The following ARID4A variants were observed in gnomAD, a reference collection of about 807,000 sequenced individuals.
ARID4A encodes AT-rich interaction domain 4A.
ARID4A carries 39 observed loss-of-function variants against 148.6 expected under a neutral mutation model. The ratio of observed to expected loss-of-function variants is 0.26; its 90% CI spans 0.20 to 0.34. The LOEUF (loss-of-function observed/expected upper bound fraction) is 0.34. Ranked by LOEUF, ARID4A falls within the 10% of genes least tolerant of loss-of-function variation. ARID4A has a pLI of 1.00. For synonymous variants in ARID4A, 475 were observed against 481.2 expected, an observed-to-expected ratio of 0.99 and a Z score of 0.17; for missense variants, 1,265 against 1,449.1, an observed-to-expected ratio of 0.87 and a Z score of 2.06.
chr14:58,345,061 G>T (rs1295814482), intron 12 of ARID4A, among the ~76,000 whole-genome samples: 1 of 151,630 alleles, frequency 6.6e-6, no homozygotes, highest in East Asian at 1.9e-4. Context: ...TCTATTTTTT[G>T]TAGAGACGGG....
chr14:58,318,802 C>T lies in ARID4A; in HGVS notation c.446C>T (p.Pro149Leu). The part of the protein sequence containing the change: ...KTNRGRRSSL[P>L]VTEDEKEEES... ...AACAGAGGAAGGAGATCTTCTCTTC[C>T]TGTGTGAGTTTTTTCATATATGGTA... Residue 149 changes from proline (P) to leucine (L), a missense_variant, in exon 7 of 24, where the codon CCT (proline) becomes CTT (leucine). Physicochemically the swap from Pro to Leu is moderately conservative, Grantham distance 98. This residue lies in a region of ARID4A where 249 missense variants were observed against 277.2 expected (regional missense o/e 0.90). Coordinates refer to ENST00000355431, the MANE Select transcript of ARID4A (RefSeq NM_002892.4). The T allele has an allele frequency of 1.2e-6, 2 of 1,610,318 alleles. No individual in the cohort carries two copies. Among genetic ancestry groups the T allele is most frequent in the Non-Finnish European group, 1.7e-6 (2 of 1,176,856 alleles).
chr14:58,346,970 A>AAAAAAAAAAAAAAAAAC (rs2034402325), intron 13 of ARID4A, 50 bp from the exon 14 acceptor site: 1 of 378,536 alleles, frequency 2.6e-6, no homozygotes, highest in African/African-American at 2.7e-5. Context: ...AAAAAAAAAA[A>AAAAAAAAAAAAAAAAAC]AAAGATTAAT....
At chr14:58,365,392 C>G in intron 20 of ARID4A, 92 bp downstream of exon 20, 3 of 1,423,236 alleles carry the variant, frequency 2.1e-6, no homozygotes, top group South Asian at 1.4e-5. Context: ...AAAGTACTTT[C>G]TTTTTCTTTT....
At chr14:58,303,937 C>T (rs1056696272) in intron 3 of ARID4A, among the ~76,000 whole-genome samples, 4 of 152,038 alleles carry the variant, frequency 2.6e-5, no homozygotes, top group African/African-American at 7.2e-5. Flanking sequence ...TGTTGAAACC[C>T]TGTCTCTAGT....
At chr14:58,340,108 A>T (rs1182377148) in intron 11 of ARID4A, among the ~76,000 whole-genome samples, 3 of 152,130 alleles carry the variant, frequency 2.0e-5, no homozygotes, top group African/African-American at 7.2e-5. Flanking sequence ...GTTTACTAGA[A>T]TTTTTGCCAT....
chr14:58,358,218 C>T (rs1166576449), intron 17 of ARID4A, among the ~76,000 whole-genome samples: 1 of 151,842 alleles, frequency 6.6e-6, no homozygotes, highest in Non-Finnish European at 1.5e-5. Flanking sequence ...CCTATAATCC[C>T]AGCACTTTGG....
chr14:58,349,769 C>T (rs1352875854), intron 15 of ARID4A, among the ~76,000 whole-genome samples: 1 of 151,522 alleles, frequency 6.6e-6, no homozygotes, highest in South Asian at 2.1e-4. Flanking sequence ...TATACAGACC[C>T]AAATTTTATA....
chr14:58,325,493 C>A (rs959263942), intron 8 of ARID4A, among the ~76,000 whole-genome samples: 2 of 152,102 alleles, frequency 1.3e-5, no homozygotes, highest in African/African-American at 4.8e-5. Flanking sequence ...CCATGTTCTC[C>A]AGGCTGGTCT....
intron 5 of ARID4A, among the ~76,000 whole-genome samples, chr14:58,312,730 T>C (rs2032135027): frequency 6.6e-6 from 1 of 152,192 alleles, no homozygotes; most frequent in Non-Finnish European, 1.5e-5. Context: ...GTTTCATGCC[T>C]ATTATGTCTT....
chr14:58,368,351 T>C (rs913539942), intron 23 of ARID4A, among the ~76,000 whole-genome samples: 1 of 152,192 alleles, frequency 6.6e-6, no homozygotes, highest in Admixed American at 6.5e-5. Flanking sequence ...AAAAATTACC[T>C]ACTATTTGGA....
At chr14:58,318,027 AAG>A (rs2032586036) in intron 5 of ARID4A, among the ~76,000 whole-genome samples, 1 of 152,186 alleles carries the variant, frequency 6.6e-6, no homozygotes. Context: ...TAACAAAAGA[AAG>A]AACTTGTATC....
intron 12 of ARID4A, among the ~76,000 whole-genome samples, chr14:58,345,953 C>G (rs1195314312): frequency 6.6e-6 from 1 of 151,488 alleles, no homozygotes; most frequent in East Asian, 1.9e-4. Context: ...CCAGGCTGGT[C>G]TCAAACTCCT....
chr14:58,347,513 T>C, intron 14 of ARID4A, 134 bp from the exon 15 acceptor site: 2 of 634,440 alleles, frequency 3.2e-6, no homozygotes, highest in African/African-American at 1.9e-5. Flanking sequence ...ACCAAGAAAA[T>C]AGTAACACAG....
chr14:58,346,693 T>G (rs1458457349), intron 13 of ARID4A, among the ~76,000 whole-genome samples, 188 bp downstream of exon 13: 2 of 151,716 alleles, frequency 1.3e-5, no homozygotes, highest in Non-Finnish European at 2.9e-5. Context: ...TTTGGGAGAT[T>G]GAGGCGGGTG....
In ARID4A at chr14:58,364,853, A is replaced by T; in HGVS notation, c.2764A>T (p.Ile922Phe). The T allele has an allele frequency of 1.2e-6, 2 of 1,614,176 alleles. No homozygotes were observed. Among genetic ancestry groups the T allele is most frequent in the Non-Finnish European group, 1.7e-6 (2 of 1,180,026 alleles). Residue 922 changes from isoleucine (I) to phenylalanine (F), a missense_variant, in exon 20 of 24, where the codon ATC becomes TTC. By Grantham distance (21) the Ile-to-Phe change is conservative (BLOSUM62 0). Around this residue, in one of 9 missense-constraint regions of ARID4A, gnomAD observed 666 missense variants for 730.9 expected, o/e 0.91. Coordinates refer to ENST00000355431, the MANE Select transcript of ARID4A (RefSeq NM_002892.4). ...ATTGATAGCAGAGTCAAACCAATGC[A>T]TCCAACAACTGACTAGTGAAAGATT... ...PSLIAESNQCIQQLTSERFDS... is the reference protein window; with the variant it reads ...PSLIAESNQCFQQLTSERFDS...
chr14:58,357,253 G>T (rs778353600), intron 17 of ARID4A, among the ~76,000 whole-genome samples: 2 of 152,208 alleles, frequency 1.3e-5, no homozygotes, highest in Non-Finnish European at 2.9e-5. Flanking sequence ...GTGATGTTCA[G>T]TAGGCTAGAT....
chr14:58,307,703 C>T (rs2140140225), intron 5 of ARID4A, among the ~76,000 whole-genome samples: 1 of 152,232 alleles, frequency 6.6e-6, no homozygotes, highest in East Asian at 1.9e-4. Flanking sequence ...GTCTGTAATC[C>T]CAGCTACTCA....
chr14:58,333,161 G>A (rs2033626624), intron 11 of ARID4A, among the ~76,000 whole-genome samples: 1 of 151,912 alleles, frequency 6.6e-6, no homozygotes, highest in Admixed American at 6.6e-5. Context: ...CAGAAAGTAG[G>A]TTTTATCTAT....
At chr14:58,319,145 C>T (rs1002883237) in intron 7 of ARID4A, among the ~76,000 whole-genome samples, 6 of 152,020 alleles carry the variant, frequency 3.9e-5, no homozygotes, top group Admixed American at 6.5e-5. Flanking sequence ...CTGCAACCTC[C>T]GCCTCCTGGG....
Sources: allele counts gnomAD v4.1 joint callset (sites outside exome capture counted in the v4.1 genomes callset), GRCh38; gene constraint gnomAD v4.1.1; regional missense constraint gnomAD v4.1.1; transcripts MANE v1.5; gene names NCBI Gene and HGNC (gene_info 2026-07-23, HGNC 2026-07-21).